Variants in PTPRT observed in about 807,000 individuals in gnomAD.
The protein encoded by PTPRT is protein tyrosine phosphatase receptor type T.
A neutral mutation model predicts 176.8 loss-of-function variants in PTPRT; 56 were observed. The ratio of observed to expected loss-of-function variants is 0.32; its 90% confidence interval spans 0.26 to 0.40. The LOEUF (loss-of-function observed/expected upper bound fraction) is 0.40. Ranked by LOEUF, PTPRT falls within the 10% of genes least tolerant of loss-of-function variation. The pLI is 1.00. For synonymous variants in PTPRT, 783 were observed against 739.0 expected, an observed-to-expected ratio of 1.06 and a Z score of -0.96; for missense variants, 1,540 against 1,908.2, an observed-to-expected ratio of 0.81 and a Z score of 3.60.
intron 2 of PTPRT, among the ~76,000 whole-genome samples, chr20:42,825,909 C>T (rs1019647366): frequency 1.3e-5 from 2 of 152,038 alleles, no homozygotes; most frequent in Non-Finnish European, 2.9e-5. Context: ...AGAAATGGGG[C>T]AACCAGATTA....
chr20:42,320,385 T>A (rs1451911347), intron 11 of PTPRT, among the ~76,000 whole-genome samples: 1 of 152,160 alleles, frequency 6.6e-6, no homozygotes, highest in Non-Finnish European at 1.5e-5. Flanking sequence ...CTTCCATCAG[T>A]AACAGTTCCT....
At chr20:42,218,040 G>A (rs1452100194) in intron 15 of PTPRT, among the ~76,000 whole-genome samples, 2 of 152,344 alleles carry the variant, frequency 1.3e-5, no homozygotes, top group East Asian at 3.9e-4. Flanking sequence ...AGCCTGCTGA[G>A]AGCATGCTCT....
At chr20:42,775,736 C>G (rs1400340878) in intron 4 of PTPRT, among the ~76,000 whole-genome samples, 1 of 152,168 alleles carries the variant, frequency 6.6e-6, no homozygotes, top group Non-Finnish European at 1.5e-5. Context: ...AAATCAGTCA[C>G]TCGCTCCCTG....
chr20:42,288,232 C>T (rs1353813490), intron 12 of PTPRT, among the ~76,000 whole-genome samples: 1 of 151,936 alleles, frequency 6.6e-6, no homozygotes, highest in Non-Finnish European at 1.5e-5. Context: ...CAGAAGTTTC[C>T]CTCATGCTTC....
chr20:42,175,989 T>C (rs957232237), intron 16 of PTPRT, among the ~76,000 whole-genome samples: 3 of 152,198 alleles, frequency 2.0e-5, no homozygotes, highest in Non-Finnish European at 2.9e-5. Context: ...ATCATTTTCA[T>C]GAATTACAAT....
chr20:42,914,503 TA>T (rs1374667707), intron 1 of PTPRT, among the ~76,000 whole-genome samples: 4 of 152,074 alleles, frequency 2.6e-5, no homozygotes, highest in Non-Finnish European at 5.9e-5. Context: ...TACTCAGCAA[TA>T]AAAACGAATG....
At chr20:42,561,500 C>A (rs2072951001) in intron 7 of PTPRT, among the ~76,000 whole-genome samples, 2 of 152,318 alleles carry the variant, frequency 1.3e-5, no homozygotes, top group East Asian at 1.9e-4. Context: ...CATAAATGAT[C>A]CCATAGGTGT....
At chr20:42,759,008 A>G (rs1051327229) in intron 5 of PTPRT, among the ~76,000 whole-genome samples, 1 of 152,202 alleles carries the variant, frequency 6.6e-6, no homozygotes, top group Admixed American at 6.5e-5. Context: ...GGAAATTCCC[A>G]AAGTAGTGCA....
Position 42,651,347 on chromosome 20 carries a change from G to T in PTPRT, c.1153+26519C>A, listed in dbSNP as rs146031796. On this transcript the variant is annotated intron_variant, in intron 7 of 30. Coordinates refer to ENST00000373187, the MANE Select transcript of PTPRT (RefSeq NM_007050.6). Reference sequence around the variant, plus strand: ...CATACCCTATTGATCTCAAATGTCAGAATCAATGGACATTTGTTTAACTTC... The same window carrying T: ...CATACCCTATTGATCTCAAATGTCATAATCAATGGACATTTGTTTAACTTC... Among the ~76,000 whole-genome samples the T allele has an allele frequency of 2.8e-3, 432 of 152,266 alleles. 2 individuals carry two copies. The highest frequency in any genetic ancestry group is 0.01 in the African/African-American group (416 of 41,564).
At chr20:42,890,793 T>G (rs1230860290) in intron 1 of PTPRT, among the ~76,000 whole-genome samples, 1 of 152,224 alleles carries the variant, frequency 6.6e-6, no homozygotes, top group Non-Finnish European at 1.5e-5. Flanking sequence ...ACAGTTTGGC[T>G]GTGTCCCCAC....
At chr20:42,651,452 T>G (rs2075029571) in intron 7 of PTPRT, among the ~76,000 whole-genome samples, 1 of 152,222 alleles carries the variant, frequency 6.6e-6, no homozygotes. Context: ...GCTAGTCATA[T>G]TTTGTTCCCA....
intron 2 of PTPRT, among the ~76,000 whole-genome samples, chr20:42,848,369 G>T (rs2078412590): frequency 6.6e-6 from 1 of 152,152 alleles, no homozygotes; most frequent in Admixed American, 6.5e-5. Context: ...TCAAATGGTT[G>T]TTCTTTTAGC....
intron 7 of PTPRT, among the ~76,000 whole-genome samples, chr20:42,606,143 A>AC (rs2073873029): frequency 6.6e-6 from 1 of 151,990 alleles, no homozygotes; most frequent in East Asian, 1.9e-4. Flanking sequence ...CTGGGCCCAG[A>AC]TTTTTCTCTG....
At chr20:42,337,544 C>G (rs1016050004) in intron 11 of PTPRT, among the ~76,000 whole-genome samples, 1 of 152,164 alleles carries the variant, frequency 6.6e-6, no homozygotes, top group Admixed American at 6.5e-5. Flanking sequence ...CTCAACAAAG[C>G]TCAGTTAGAT....
At chr20:42,831,378 C>G (rs1167511580) in intron 2 of PTPRT, among the ~76,000 whole-genome samples, 1 of 152,100 alleles carries the variant, frequency 6.6e-6, no homozygotes, top group African/African-American at 2.4e-5. Flanking sequence ...AAAATCAACT[C>G]AAGATGAATT....
chr20:42,967,402 GAC>G (rs1435208939), intron 1 of PTPRT, among the ~76,000 whole-genome samples: 1 of 152,152 alleles, frequency 6.6e-6, no homozygotes, highest in Non-Finnish European at 1.5e-5. Flanking sequence ...AAAAGACACA[GAC>G]ACGTGGAAAA....
chr20:43,033,587 T>C (rs1427163814), intron 1 of PTPRT, among the ~76,000 whole-genome samples: 1 of 152,156 alleles, frequency 6.6e-6, no homozygotes, highest in Non-Finnish European at 1.5e-5. Context: ...CAATGTTAAT[T>C]AGTTACAAGT....
At chr20:42,524,803 T>TC (rs2072240567) in intron 7 of PTPRT, among the ~76,000 whole-genome samples, 1 of 151,954 alleles carries the variant, frequency 6.6e-6, no homozygotes. Flanking sequence ...TCCTTTTTTT[T>TC]CTCTCTCTCT....
chr20:42,545,665 G>A (rs1280662223), intron 7 of PTPRT, among the ~76,000 whole-genome samples: 2 of 152,116 alleles, frequency 1.3e-5, no homozygotes, highest in Non-Finnish European at 2.9e-5. Flanking sequence ...AAAATCTTTT[G>A]AGAAGTGGTC....
Sources: allele counts gnomAD v4.1 joint callset (sites outside exome capture counted in the v4.1 genomes callset), GRCh38; gene constraint gnomAD v4.1.1; transcripts MANE v1.5; gene names NCBI Gene and HGNC (gene_info 2026-07-23, HGNC 2026-07-21).